Variants in DDX10 observed in about 807,000 individuals in gnomAD.
DDX10 encodes DEAD-box helicase 10.
In DDX10, 74 loss-of-function variants were observed where a neutral mutation model predicts 104.3. The ratio of observed to expected loss-of-function variants is 0.71; its 90% CI spans 0.59 to 0.86. DDX10 has a LOEUF of 0.86. Among genes scored for constraint, DDX10 ranks in the 40% least tolerant of loss-of-function variants. The pLI is 0.00. For missense variants in DDX10, 952 were observed against 1,040.0 expected (o/e 0.92, Z 1.16); for synonymous variants, 351 against 353.4 (o/e 0.99, Z 0.08).
chr11:108,679,556 T>C lies in DDX10; in HGVS notation c.844T>C (p.Tyr282His), dbSNP rs534205715. 51 of 1,597,552 alleles carry C rather than the reference T, an allele frequency of 3.2e-5. 2 individuals carry two copies. In the South Asian group the frequency reaches 5.8e-4, roughly 18 times the overall value. The change falls in exon 6 of 18, where the codon TAT (tyrosine) becomes CAT (histidine). Residue 282 changes from tyrosine (Y) to histidine (H), a missense_variant. Physicochemically the swap from Tyr to His is moderately conservative, Grantham distance 83. Around this residue, in one of 3 missense-constraint regions of DDX10, gnomAD observed 412 missense variants for 479.2 expected, o/e 0.86. Coordinates refer to ENST00000322536, the MANE Select transcript of DDX10 (RefSeq NM_004398.4). ...EYVWVHEKAKYSTPATLEQNY... is the reference protein window; with the variant it reads ...EYVWVHEKAKHSTPATLEQNY... ...TGTCTGGGTTCATGAAAAAGCAAAATATAGGTATGTACTCTTTGAGTCAAT... is the reference window on the plus strand; with the variant it reads ...TGTCTGGGTTCATGAAAAAGCAAAACATAGGTATGTACTCTTTGAGTCAAT...
At chr11:108,839,092 T>G (rs1197623538) in intron 14 of DDX10, among the ~76,000 whole-genome samples, 1 of 152,204 alleles carries the variant, frequency 6.6e-6, no homozygotes, top group African/African-American at 2.4e-5. Context: ...ACCCATAGTA[T>G]AGGGAAGGGA....
At chr11:108,819,499 A>G (rs1862297650) in intron 13 of DDX10, among the ~76,000 whole-genome samples, 2 of 152,232 alleles carry the variant, frequency 1.3e-5, no homozygotes, top group Non-Finnish European at 2.9e-5. Context: ...TATTTTTAAA[A>G]TATACAAGAA....
intron 13 of DDX10, among the ~76,000 whole-genome samples, chr11:108,810,867 A>G (rs994964743): frequency 2.0e-5 from 3 of 152,218 alleles, no homozygotes; most frequent in Non-Finnish European, 1.5e-5. Flanking sequence ...TGAGTAGGAA[A>G]GAATCTTCCA....
At chr11:108,888,081 G>A (rs1253901573) in intron 16 of DDX10, among the ~76,000 whole-genome samples, 3 of 152,000 alleles carry the variant, frequency 2.0e-5, no homozygotes, top group African/African-American at 7.2e-5. Context: ...TTTTAGGTTA[G>A]ATGATTCATG....
intron 1 of DDX10, among the ~76,000 whole-genome samples, chr11:108,665,944 GA>G (rs1048660667): frequency 6.6e-6 from 1 of 152,166 alleles, no homozygotes; most frequent in Non-Finnish European, 1.5e-5. Flanking sequence ...AATTGGCCTA[GA>G]AAAGCTGGAC....
chr11:108,830,026 T>A (rs1862447445), intron 13 of DDX10, among the ~76,000 whole-genome samples: 1 of 152,200 alleles, frequency 6.6e-6, no homozygotes, highest in Admixed American at 6.5e-5. Flanking sequence ...TTTTACTTAG[T>A]CTTGCTCTGG....
chr11:108,866,961 G>C (rs1298299151), intron 16 of DDX10, among the ~76,000 whole-genome samples: 4 of 152,120 alleles, frequency 2.6e-5, no homozygotes, highest in South Asian at 2.1e-4. Flanking sequence ...TGACTTGTAG[G>C]ATTCACAAAA....
At chr11:108,783,148 G>C (rs1861730129) in intron 13 of DDX10, among the ~76,000 whole-genome samples, 1 of 152,046 alleles carries the variant, frequency 6.6e-6, no homozygotes, top group Non-Finnish European at 1.5e-5. Flanking sequence ...TATTAGAATT[G>C]TTTCTGTGAC....
chr11:108,821,970 C>T (rs981146617), intron 13 of DDX10, among the ~76,000 whole-genome samples: 4 of 152,156 alleles, frequency 2.6e-5, no homozygotes, highest in African/African-American at 9.7e-5. Context: ...GAAGGAATTT[C>T]ACCAGTATTT....
chr11:108,904,556 G>A (rs541088847), intron 16 of DDX10, among the ~76,000 whole-genome samples: 1 of 152,280 alleles, frequency 6.6e-6, no homozygotes, highest in African/African-American at 2.4e-5. Context: ...GCAAAGAGTA[G>A]TTTTTCAATA....
chr11:108,678,867 C>T (rs953354680), intron 5 of DDX10, among the ~76,000 whole-genome samples: 5 of 123,530 alleles, frequency 4.0e-5, no homozygotes, highest in Admixed American at 2.1e-4. Flanking sequence ...CTGGTTTCCC[C>T]TAATTTTTTT....
rs534759137 is a variant in DDX10 at position 108,787,790 on chromosome 11, C to T, written c.1966-50656C>T. Among the ~76,000 whole-genome samples the T allele has an allele frequency of 1.6e-4, 24 of 152,036 alleles. No individual in the cohort carries two copies. The East Asian group carries it at 2.5e-3, about 16-fold the overall frequency. ...TACTAAAAATACAAAGTTAGCTGGG[C>T]GTGGTGGTGCATGCCTGTAATCTCA... On this transcript the variant is annotated intron_variant, in intron 13 of 17. Transcript: ENST00000322536.
At chr11:108,671,195 G>A (rs886649044) in intron 1 of DDX10, among the ~76,000 whole-genome samples, 4 of 152,152 alleles carry the variant, frequency 2.6e-5, no homozygotes, top group African/African-American at 4.8e-5. Context: ...GTAGAGTCTC[G>A]CTCTGTTGCC....
chr11:108,830,120 G>A (rs1000351947), intron 13 of DDX10, among the ~76,000 whole-genome samples: 1 of 152,072 alleles, frequency 6.6e-6, no homozygotes, highest in Non-Finnish European at 1.5e-5. Context: ...TATTTTGATG[G>A]GAGTTGCATT....
intron 13 of DDX10, 97 bp downstream of exon 13, chr11:108,723,559 C>T: frequency 8.0e-7 from 1 of 1,257,468 alleles, no homozygotes; most frequent in Non-Finnish European, 1.1e-6. Flanking sequence ...AACTAAGAAA[C>T]TTAGACTGGG....
chr11:108,730,838 C>T (rs10732846), intron 13 of DDX10, among the ~76,000 whole-genome samples: 126,409 of 151,160 alleles, frequency 0.84, 54,071 homozygotes, highest in East Asian at 0.96. Context: ...AAAGTACACA[C>T]GTACCTGCAT....
chr11:108,685,241 G>A (rs1396652923), intron 6 of DDX10, among the ~76,000 whole-genome samples: 15 of 151,692 alleles, frequency 9.9e-5, no homozygotes, highest in Admixed American at 4.6e-4. Context: ...GTGGTGCGCC[G>A]TTTCTTAAGC....
chr11:108,715,575 T>G (rs2094290300), intron 10 of DDX10, among the ~76,000 whole-genome samples: 1 of 152,240 alleles, frequency 6.6e-6, no homozygotes, highest in African/African-American at 2.4e-5. Flanking sequence ...GGATCTCTCA[T>G]GGGAGACTAC....
At chr11:108,719,457 A>G (rs1591800332) in intron 11 of DDX10, among the ~76,000 whole-genome samples, 1 of 152,160 alleles carries the variant, frequency 6.6e-6, no homozygotes, top group Non-Finnish European at 1.5e-5. Context: ...AGTGAGTAAG[A>G]GTTTAAGCTT....
Sources: gnomAD v4.1 joint callset for allele counts (sites outside exome capture counted in the v4.1 genomes callset) on GRCh38, gnomAD v4.1.1 for gene constraint, gnomAD v4.1.1 regional missense constraint, MANE v1.5 for transcripts, NCBI Gene and HGNC (gene_info 2026-07-23, HGNC 2026-07-21) for gene names.